PPM1K: variants seen among roughly 807,000 people sequenced by gnomAD.
The protein encoded by PPM1K is protein phosphatase, Mg2+/Mn2+ dependent 1K.
Under a neutral mutation model 32.6 loss-of-function variants are expected in PPM1K, and 19 were observed. That is an observed-to-expected ratio of 0.58 (90% CI 0.41 to 0.86). The LOEUF is 0.86. PPM1K is among the 40% of genes least tolerant of loss of function. The pLI is 0.00. For missense variants in PPM1K, 362 were observed against 461.2 expected (o/e 0.78, Z 1.97); for synonymous variants, 159 against 165.3 (o/e 0.96, Z 0.29).
chr4:88,268,928 G>T, intron 3 of PPM1K, 22 bp from the exon 4 acceptor site: 6 of 1,584,510 alleles, frequency 3.8e-6, no homozygotes, highest in South Asian at 2.3e-5. Flanking sequence ...ATGAAAAAAA[G>T]AGTACAAGTT....
intron 6 of PPM1K, among the ~76,000 whole-genome samples, chr4:88,264,574 A>G (rs1377132453): frequency 2.0e-5 from 3 of 152,212 alleles, no homozygotes; most frequent in Admixed American, 6.5e-5. Flanking sequence ...TATGACCTTC[A>G]GTGATTAACT....
At position 88,277,200 on chromosome 4, in the gene PPM1K, A is replaced by G; in HGVS notation, c.484T>C (p.Leu162=). The G allele has an allele frequency of 1.9e-6, 3 of 1,614,152 alleles. No homozygotes were observed. Among genetic ancestry groups the G allele is most frequent in the Non-Finnish European group, 2.5e-6 (3 of 1,179,988 alleles). ...KEKNLETLLT[L]AFLEIDKAFS... ...GCTTTATCTATTTCTAGAAAAGCCA[A>G]GGTCAACAGAGTTTCCAAGTTCTTC... Residue 162 remains leucine, a synonymous_variant, in exon 3 of 7, where the codon TTG becomes CTG. Coordinates refer to ENST00000608933, the MANE Select transcript of PPM1K (RefSeq NM_152542.5).
rs958735469 is a variant in PPM1K, at chr4:88,258,695, G to C, written c.*3900C>G. The C allele has an allele frequency of 1.3e-5, 2 of 152,080 alleles. No individual in the cohort carries two copies. Among genetic ancestry groups the C allele is most frequent in the African/African-American group, 4.8e-5 (2 of 41,402 alleles). 9.4% of individuals were successfully genotyped at this position (152,080 alleles called of 1,614,324 possible). On this transcript the variant is annotated 3_prime_UTR_variant, in exon 7 of 7. Coordinates refer to ENST00000608933, the MANE Select transcript of PPM1K (RefSeq NM_152542.5). ...TTCTCTTTTAAGTGTTGGAACAGGG[G>C]AAAGTTCACATTATAGAGTACAAAG...
At chr4:88,280,913 C>T (rs1405218615) in intron 1 of PPM1K, among the ~76,000 whole-genome samples, 1 of 152,068 alleles carries the variant, frequency 6.6e-6, no homozygotes, top group Non-Finnish European at 1.5e-5. Flanking sequence ...GATGTTTGTT[C>T]TTTTGCTTCT....
At chr4:88,276,626 A>G (rs1277497473) in intron 3 of PPM1K, 1 of 984,598 alleles carries the variant, frequency 1.0e-6, no homozygotes, top group Non-Finnish European at 1.2e-6. Context: ...ACAGAAAAAT[A>G]TTTTCCTTCT....
At chr4:88,277,090 T>C in intron 3 of PPM1K, 53 bp downstream of exon 3, 2 of 1,354,884 alleles carry the variant, frequency 1.5e-6, no homozygotes, top group South Asian at 1.2e-5. Context: ...TTTTTACTCC[T>C]CCCCCACCCC....
intron 5 of PPM1K, 96 bp from the exon 6 acceptor site, chr4:88,265,231 A>T: frequency 6.9e-7 from 1 of 1,440,288 alleles, no homozygotes; most frequent in South Asian, 1.3e-5. Flanking sequence ...CTAAGCGGTC[A>T]TCTGTGTAAC....
At chr4:88,281,920 A>G (rs774073853) in intron 1 of PPM1K, among the ~76,000 whole-genome samples, 11 of 152,190 alleles carry the variant, frequency 7.2e-5, no homozygotes, top group Non-Finnish European at 1.6e-4. Context: ...TGCTTTGACC[A>G]GCAAGGCAAG....
intron 3 of PPM1K, among the ~76,000 whole-genome samples, chr4:88,272,985 C>CA (rs1197694800): frequency 1.3e-5 from 2 of 152,160 alleles, no homozygotes; most frequent in Non-Finnish European, 2.9e-5. Context: ...ACGCTGAACT[C>CA]ACACATGCCG....
Position 88,259,891 on chromosome 4 carries a change from A to G in PPM1K, c.*2704T>C, listed in dbSNP as rs1293806138. ...CTGGACAACAAAGTGAGACTCTGTA[A>G]CTATAAAAAACAAAAACAGACAAAC... On this transcript the variant is annotated 3_prime_UTR_variant, in exon 7 of 7. Transcript: ENST00000608933. 3.9e-5 allele frequency: 6 copies of G among 152,202 alleles called. No individual in the cohort carries two copies. The highest frequency in any genetic ancestry group is 1.4e-4 in the African/African-American group (6 of 41,438). 9.4% of individuals were successfully genotyped at this position (152,202 alleles called of 1,614,324 possible). A position where few individuals can be genotyped will look rare whatever the true frequency, so the allele number is the denominator to read the frequency against.
At chr4:88,276,707 T>A in intron 3 of PPM1K, 2 of 983,050 alleles carry the variant, frequency 2.0e-6, no homozygotes, top group Non-Finnish European at 2.4e-6. Context: ...TTTTTTCTTG[T>A]TGGACAATGA....
intron 6 of PPM1K, 107 bp downstream of exon 6, chr4:88,264,894 G>T: frequency 8.9e-7 from 1 of 1,121,876 alleles, no homozygotes; most frequent in Non-Finnish European, 1.2e-6. Context: ...AAATATTATG[G>T]AATCAAGTGT....
intron 1 of PPM1K, among the ~76,000 whole-genome samples, chr4:88,280,020 A>G (rs994693033): frequency 2.6e-5 from 4 of 152,198 alleles, no homozygotes; most frequent in Non-Finnish European, 5.9e-5. Context: ...CAGTCTAGCT[A>G]TGTATAGGGA....
chr4:88,274,605 G>C (rs532786550), intron 3 of PPM1K, among the ~76,000 whole-genome samples: 1 of 152,150 alleles, frequency 6.6e-6, no homozygotes, highest in Admixed American at 6.5e-5. Flanking sequence ...CACTGGCACT[G>C]GTCCTATCTA....
At chr4:88,267,223 A>G (rs1731367924) in intron 5 of PPM1K, among the ~76,000 whole-genome samples, 2 of 139,276 alleles carry the variant, frequency 1.4e-5, no homozygotes, top group African/African-American at 2.8e-5. Context: ...ATGCTGGCTG[A>G]TTGGGTGCAG....
intron 1 of PPM1K, among the ~76,000 whole-genome samples, chr4:88,281,843 A>G (rs1732021346): frequency 6.6e-6 from 1 of 152,202 alleles, no homozygotes; most frequent in Non-Finnish European, 1.5e-5. Flanking sequence ...TTCCTCCTCC[A>G]GAACTCCACA....
At chr4:88,277,024 C>T in intron 3 of PPM1K, 119 bp downstream of exon 3, 1 of 814,350 alleles carries the variant, frequency 1.2e-6, no homozygotes, top group African/African-American at 1.7e-5. Context: ...CTACATAAAT[C>T]CTTACAAACA....
chr4:88,276,496 C>T lies in PPM1K; in HGVS notation c.541+647G>A, dbSNP rs939931173. 18 of 985,324 alleles carry T rather than the reference C, an allele frequency of 1.8e-5. No homozygotes were observed. The African/African-American group carries it at 2.8e-4, about 15-fold the overall frequency. 61.0% of individuals were successfully genotyped at this position (985,324 alleles called of 1,614,324 possible). On this transcript the variant is annotated intron_variant, in intron 3 of 6. Transcript: ENST00000608933. ...AATTTAGTCAAAACCAGAAACATTT[C>T]ACTTTCAAAATTTAAGGACATACAG... is the stretch of plus-strand genomic sequence containing the variant.
intron 1 of PPM1K, among the ~76,000 whole-genome samples, chr4:88,280,060 A>C (rs1731949304): frequency 6.6e-6 from 1 of 152,216 alleles, no homozygotes; most frequent in Non-Finnish European, 1.5e-5. Context: ...TGGGTAAAAC[A>C]GTCAAAAGAA....
Sources: gnomAD v4.1 joint callset for allele counts (sites outside exome capture counted in the v4.1 genomes callset) on GRCh38, gnomAD v4.1.1 for gene constraint, MANE v1.5 for transcripts, NCBI Gene and HGNC (gene_info 2026-07-23, HGNC 2026-07-21) for gene names.